MINDY4B: variants seen among roughly 807,000 people sequenced by gnomAD.
MINDY4B encodes MINDY family member 4B.
In MINDY4B, 25 loss-of-function variants were observed where a neutral mutation model predicts 16.7. The observed-to-expected ratio is 1.49, with a 90% CI of 1.09 to 2.09. MINDY4B has a LOEUF of 2.09. Ranked by LOEUF, MINDY4B falls within the 30% of genes most tolerant of loss-of-function variation. The pLI is 0.00. For missense variants in MINDY4B, 327 were observed against 168.4 expected (o/e 1.94, Z -5.21); for synonymous variants, 132 against 61.9 (o/e 2.13, Z -5.32).
intron 3 of MINDY4B, chr3:150,901,292 G>A (rs1002308980): frequency 6.6e-6 from 1 of 152,146 alleles, no homozygotes; most frequent in African/African-American, 2.4e-5. Context: ...TGGGGGCCCT[G>A]GCAAGGATTA....
intron 5 of MINDY4B, among the ~76,000 whole-genome samples, chr3:150,891,761 CAAAAAAA>C (rs35565267): frequency 4.4e-5 from 3 of 68,672 alleles, no homozygotes; most frequent in Non-Finnish European, 2.6e-5. Context: ...GACTCCATCT[CAAAAAAA>C]AAAAAAAAAA....
At chr3:150,886,968 A>G (rs1711637487) in intron 7 of MINDY4B, among the ~76,000 whole-genome samples, 1 of 152,232 alleles carries the variant, frequency 6.6e-6, no homozygotes. Context: ...GAAACTACAG[A>G]TAGTACCAAA....
chr3:150,886,151 A>C (rs1054686443), intron 7 of MINDY4B, among the ~76,000 whole-genome samples: 11 of 152,220 alleles, frequency 7.2e-5, no homozygotes, highest in African/African-American at 2.2e-4. Flanking sequence ...GATCAAATCT[A>C]AACTACCTAA....
chr3:150,898,076 T>C (rs1198325533), intron 3 of MINDY4B, among the ~76,000 whole-genome samples: 2 of 152,214 alleles, frequency 1.3e-5, no homozygotes, highest in Non-Finnish European at 2.9e-5. Context: ...GGGTAACCCC[T>C]GCTTGGTCCA....
chr3:150,891,977 T>A (rs567274240), intron 5 of MINDY4B, among the ~76,000 whole-genome samples: 1 of 152,342 alleles, frequency 6.6e-6, no homozygotes, highest in African/African-American at 2.4e-5. Context: ...AGTGCTGTGC[T>A]AAGTGCCTTA....
At position 150,870,955 on chromosome 3, in the gene MINDY4B, A is replaced by G; in HGVS notation, c.*90T>C. On this transcript the variant is annotated 3_prime_UTR_variant, in exon 12 of 12. Coordinates refer to ENST00000465419, the MANE Select transcript of MINDY4B (RefSeq NM_001351281.2). Reference sequence around the variant, plus strand: ...TTTTTGGTGGGGCTTGTGAATGAGAAATATGGAAACGATTGGTCTCCCCCA... The same window carrying G: ...TTTTTGGTGGGGCTTGTGAATGAGAGATATGGAAACGATTGGTCTCCCCCA... 1.6e-6 allele frequency: 1 copy of G among 616,580 alleles called. No individual in the cohort carries two copies. Among genetic ancestry groups the G allele is most frequent in the Non-Finnish European group, 2.9e-6 (1 of 347,246 alleles). 38.2% of individuals were successfully genotyped at this position (616,580 alleles called of 1,614,324 possible).
At position 150,870,986 on chromosome 3, in the gene MINDY4B, G is replaced by T; in HGVS notation, c.*59C>A. The T allele has an allele frequency of 1.5e-6, 1 of 668,456 alleles. No homozygotes were observed. Among genetic ancestry groups the T allele is most frequent in the Admixed American group, 2.3e-5 (1 of 44,078 alleles). The allele number at this position is 668,456 out of a possible 1,614,324, so 41.4% of individuals were successfully genotyped here. A position where few individuals can be genotyped will look rare whatever the true frequency, so the allele number is the denominator to read the frequency against. On this transcript the variant is annotated 3_prime_UTR_variant, in exon 12 of 12. Coordinates refer to ENST00000465419, the MANE Select transcript of MINDY4B (RefSeq NM_001351281.2). ...GAAACGATTGGTCTCCCCCACATTAGGCTTTTGCATCCCAGCAGTTCTGAC... is the reference window on the plus strand; with the variant it reads ...GAAACGATTGGTCTCCCCCACATTATGCTTTTGCATCCCAGCAGTTCTGAC...
chr3:150,891,984 C>CT (rs1229107645), intron 5 of MINDY4B, among the ~76,000 whole-genome samples: 2 of 152,246 alleles, frequency 1.3e-5, no homozygotes, highest in East Asian at 3.9e-4. Flanking sequence ...TGCTAAGTGC[C>CT]TTACCTTTAT....
intron 5 of MINDY4B, among the ~76,000 whole-genome samples, chr3:150,891,658 A>T (rs6789909): frequency 3.3e-5 from 5 of 149,794 alleles, no homozygotes; most frequent in African/African-American, 9.8e-5. Context: ...GCTACTTGGG[A>T]GGCTGAGGCA....
intron 5 of MINDY4B, 61 bp from the exon 6 acceptor site, chr3:150,891,164 T>C: frequency 3.0e-6 from 2 of 667,358 alleles, no homozygotes; most frequent in East Asian, 2.7e-5. Flanking sequence ...GCCACAGAGA[T>C]GGGAAGTAAT....
intron 3 of MINDY4B, among the ~76,000 whole-genome samples, chr3:150,895,711 G>A (rs1053944055): frequency 7.2e-5 from 11 of 152,022 alleles, no homozygotes; most frequent in African/African-American, 2.2e-4. Flanking sequence ...GTGATCTGCC[G>A]GTCTTGGCCT....
intron 3 of MINDY4B, among the ~76,000 whole-genome samples, chr3:150,902,455 T>TG (rs1382055101): frequency 1.3e-5 from 2 of 152,200 alleles, no homozygotes; most frequent in Non-Finnish European, 2.9e-5. Context: ...GGCAATCCAA[T>TG]GGGAGGGGCA....
intron 10 of MINDY4B, among the ~76,000 whole-genome samples, chr3:150,873,695 T>A (rs1717021349): frequency 6.6e-6 from 1 of 152,198 alleles, no homozygotes. Flanking sequence ...AATAGGAATG[T>A]AGTGGTGGAA....
In MINDY4B at chr3:150,897,457, A is replaced by G. The variant is rs146940180; in HGVS notation, c.310-3152T>C. Among the ~76,000 whole-genome samples, 822 of 152,140 alleles carry G rather than the reference A, an allele frequency of 5.4e-3. 3 individuals carry two copies. Among genetic ancestry groups the G allele is most frequent in the Middle Eastern group, 0.031 (9 of 294 alleles). ...ATAACTTTGAATATCATATTCAGGC[A>G]CTTGCAGCCAGTCAAAGAGTGTGGA... On this transcript the variant is annotated intron_variant, in intron 3 of 11. Coordinates refer to ENST00000465419, the MANE Select transcript of MINDY4B (RefSeq NM_001351281.2).
In MINDY4B at chr3:150,871,088, C is replaced by G; in HGVS notation, c.1340G>C (p.Ser447Thr). ...CCCATTCCAGTTGATGGTGGCCTCG[C>G]TCCACTTGGTTCTGATTGCCATCTC... ...PVEMAIRTKW[S>T]EATINWNGTV... Residue 447 changes from serine (S) to threonine (T), a missense_variant, in exon 12 of 12, where the codon AGC (serine) becomes ACC (threonine). Ser to Thr is a moderately conservative substitution (Grantham distance 58). Transcript: ENST00000465419. 1.4e-6 allele frequency: 1 copy of G among 702,900 alleles called. No individual in the cohort carries two copies. Among genetic ancestry groups the G allele is most frequent in the South Asian group, 1.5e-5 (1 of 67,594 alleles). The allele number at this position is 702,900 out of a possible 1,614,324, so 43.5% of individuals were successfully genotyped here.
chr3:150,889,645 C>G (rs1238052758), intron 7 of MINDY4B, among the ~76,000 whole-genome samples: 1 of 152,172 alleles, frequency 6.6e-6, no homozygotes, highest in African/African-American at 2.4e-5. Flanking sequence ...GACATGAGAT[C>G]ACATTTCCCT....
intron 11 of MINDY4B, 102 bp downstream of exon 11, chr3:150,873,085 C>A (rs1449651799): frequency 3.4e-6 from 2 of 592,946 alleles, no homozygotes; most frequent in Admixed American, 2.9e-5. Context: ...TAAGCATTTT[C>A]CTGTGGAGCT....
At chr3:150,903,184 C>T (rs922460426) in intron 3 of MINDY4B, 65 bp downstream of exon 3, 4 of 397,890 alleles carry the variant, frequency 1.0e-5, no homozygotes, top group Non-Finnish European at 1.8e-5. Flanking sequence ...AGATAAGATT[C>T]CCCAGCCTTG....
chr3:150,890,326 T>G lies in MINDY4B; in HGVS notation c.747A>C (p.Leu249Phe). The change falls in exon 7 of 12, where the codon TTA becomes TTC. Residue 249 changes from leucine (L) to phenylalanine (F), a missense_variant. Coordinates refer to ENST00000465419, the MANE Select transcript of MINDY4B (RefSeq NM_001351281.2). Reference sequence around the variant, plus strand: ...TCAACACTTAAACACTTACACATAGTAAGTGATCGTAGATGAATTTCTCAG... The same window carrying G: ...TCAACACTTAAACACTTACACATAGGAAGTGATCGTAGATGAATTTCTCAG... ...EAAEKFIYDH[L>F]LCFRGEGSHG... The G allele has an allele frequency of 1.6e-6, 1 of 627,286 alleles. No individual in the cohort carries two copies. Among genetic ancestry groups the G allele is most frequent in the Non-Finnish European group, 2.8e-6 (1 of 355,348 alleles). The allele number at this position is 627,286 out of a possible 1,614,324, so 38.9% of individuals were successfully genotyped here. A position where few individuals can be genotyped will look rare whatever the true frequency, so the allele number is the denominator to read the frequency against.
Sources: allele counts gnomAD v4.1 joint callset (sites outside exome capture counted in the v4.1 genomes callset), GRCh38; gene constraint gnomAD v4.1.1; transcripts MANE v1.5; gene names NCBI Gene and HGNC (gene_info 2026-07-23, HGNC 2026-07-21).